NLGN1: variants seen among roughly 807,000 people sequenced by gnomAD.
NLGN1 encodes neuroligin-1.
NLGN1 carries 12 observed loss-of-function variants against 65.5 expected under a neutral mutation model. That is an observed-to-expected ratio of 0.18 (90% CI 0.12 to 0.30). The LOEUF (loss-of-function observed/expected upper bound fraction) is 0.30. NLGN1 is among the 10% of genes least tolerant of loss of function. The pLI is 1.00. For missense variants in NLGN1, 750 were observed against 1,007.1 expected (o/e 0.74, Z 3.46); for synonymous variants, 350 against 359.5 (o/e 0.97, Z 0.30).
intron 4 of NLGN1, among the ~76,000 whole-genome samples, chr3:173,936,175 C>A (rs1579286612): frequency 6.6e-6 from 1 of 151,150 alleles, no homozygotes; most frequent in Middle Eastern, 3.4e-3. Context: ...TGGTTGGTTT[C>A]TGTATTGTGT....
intron 4 of NLGN1, among the ~76,000 whole-genome samples, chr3:174,263,463 T>C (rs938283651): frequency 2.7e-5 from 4 of 150,334 alleles, no homozygotes; most frequent in Admixed American, 2.0e-4. Flanking sequence ...CTTTTGATCT[T>C]TGTTGGTTTA....
chr3:174,173,710 TTGTGTG>T lies in NLGN1; in HGVS notation c.647-101589_647-101584del, dbSNP rs142590328. Among the ~76,000 whole-genome samples, 11 of 149,206 alleles carry T rather than the reference TTGTGTG, an allele frequency of 7.4e-5. No individual in the cohort carries two copies. In the East Asian group the frequency reaches 1.8e-3, roughly 24 times the overall value. On this transcript the variant is annotated intron_variant, in intron 4 of 6. Transcript: ENST00000457714. ...AGATCTTTTGTGTGTGTGTGTATGT[TTGTGTG>T]TGTGTGTGTGTGTGTTTCTCAGTTC...
At chr3:174,138,451 G>C (rs916075819) in intron 4 of NLGN1, among the ~76,000 whole-genome samples, 1 of 38,366 alleles carries the variant, frequency 2.6e-5, no homozygotes, top group East Asian at 7.2e-4. Context: ...TTTTTTTTTT[G>C]TGAGACAGAA....
chr3:174,291,359 G>GA (rs943791737), downstream of NLGN1, among the ~76,000 whole-genome samples: 1 of 150,630 alleles, frequency 6.6e-6, no homozygotes, highest in Non-Finnish European at 1.5e-5. Context: ...CAATACAACA[G>GA]AAAAAAATTT....
At chr3:174,197,801 A>G (rs1733755530) in intron 4 of NLGN1, among the ~76,000 whole-genome samples, 1 of 148,462 alleles carries the variant, frequency 6.7e-6, no homozygotes, top group Admixed American at 6.8e-5. Flanking sequence ...AATCTGTCCT[A>G]AAAACTGCTT....
chr3:174,031,325 C>G (rs1363281220), intron 4 of NLGN1, among the ~76,000 whole-genome samples: 2 of 152,152 alleles, frequency 1.3e-5, no homozygotes, highest in African/African-American at 4.8e-5. Flanking sequence ...GAGGGAGGTT[C>G]TTCACTGAAA....
intron 4 of NLGN1, among the ~76,000 whole-genome samples, chr3:174,052,343 T>G (rs974141049): frequency 6.6e-6 from 1 of 152,026 alleles, no homozygotes; most frequent in African/African-American, 2.4e-5. Context: ...TATTAATTAT[T>G]ATATTTTCCC....
chr3:173,838,255 G>T (rs1253570015), intron 4 of NLGN1, among the ~76,000 whole-genome samples: 1 of 151,234 alleles, frequency 6.6e-6, no homozygotes, highest in Non-Finnish European at 1.5e-5. Context: ...TGTATAAAAA[G>T]AACATTTTAT....
At chr3:173,656,290 G>A (rs898729552) in intron 3 of NLGN1, among the ~76,000 whole-genome samples, 4 of 152,080 alleles carry the variant, frequency 2.6e-5, no homozygotes, top group Non-Finnish European at 5.9e-5. Context: ...AAGACAAAAA[G>A]GAGCACTGAT....
At chr3:173,767,216 G>T (rs1778904304) in intron 3 of NLGN1, among the ~76,000 whole-genome samples, 1 of 152,032 alleles carries the variant, frequency 6.6e-6, no homozygotes, top group Non-Finnish European at 1.5e-5. Context: ...TGTAAAATTG[G>T]TACTGAAAAC....
intron 3 of NLGN1, among the ~76,000 whole-genome samples, chr3:173,745,616 A>G (rs1775246617): frequency 6.6e-6 from 1 of 151,988 alleles, no homozygotes; most frequent in South Asian, 2.1e-4. Flanking sequence ...TTAATTGATG[A>G]TCATCAGCCC....
Position 174,215,467 on chromosome 3 carries a change from C to T in NLGN1, c.647-59848C>T, listed in dbSNP as rs541250681. On this transcript the variant is annotated intron_variant, in intron 4 of 6. Transcript: ENST00000457714. ...TATTATTGAGCTGAGACACTGAATG[C>T]TTCCCTTCATCTGAAACTTTAGGGA... Among the ~76,000 whole-genome samples the T allele has an allele frequency of 3.9e-5, 6 of 152,246 alleles. No individual in the cohort carries two copies. In the South Asian group the frequency reaches 1.0e-3, roughly 26 times the overall value.
At chr3:173,712,970 A>T (rs7616954) in intron 3 of NLGN1, among the ~76,000 whole-genome samples, 66,169 of 151,880 alleles carry the variant, frequency 0.44, 15,939 homozygotes, top group African/African-American at 0.66. Context: ...TAGTAGCAGC[A>T]AGGTCGGAAA....
At chr3:173,952,990 G>A (rs1560713041) in intron 4 of NLGN1, among the ~76,000 whole-genome samples, 1 of 151,998 alleles carries the variant, frequency 6.6e-6, no homozygotes, top group African/African-American at 2.4e-5. Flanking sequence ...TGCTGTCCAG[G>A]CTGGTCTTGA....
chr3:173,528,788 A>G (rs1169764381), intron 2 of NLGN1, among the ~76,000 whole-genome samples: 1 of 151,908 alleles, frequency 6.6e-6, no homozygotes, highest in East Asian at 1.9e-4. Context: ...TCATTTCCAA[A>G]CGTTCTGTTT....
intron 4 of NLGN1, among the ~76,000 whole-genome samples, chr3:173,845,863 T>C (rs1055522562): frequency 6.6e-6 from 1 of 152,166 alleles, no homozygotes; most frequent in Non-Finnish European, 1.5e-5. Flanking sequence ...TGTTTTTTAA[T>C]TAAAATTTTT....
intron 2 of NLGN1, among the ~76,000 whole-genome samples, chr3:173,503,068 A>T (rs1731416430): frequency 6.6e-6 from 1 of 151,792 alleles, no homozygotes; most frequent in Non-Finnish European, 1.5e-5. Context: ...ATATAGATGT[A>T]TGTATATGGC....
intron 2 of NLGN1, among the ~76,000 whole-genome samples, chr3:173,583,730 A>T (rs1178354250): frequency 6.6e-6 from 1 of 152,128 alleles, no homozygotes; most frequent in East Asian, 1.9e-4. Context: ...GAGGTCATTG[A>T]ATTTAAAAGC....
At chr3:174,147,493 G>C (rs994794388) in intron 4 of NLGN1, among the ~76,000 whole-genome samples, 8 of 121,336 alleles carry the variant, frequency 6.6e-5, no homozygotes, top group Non-Finnish European at 1.3e-4. Context: ...GAGTGCAAAA[G>C]AGCGATCTCG....
Sources: allele counts gnomAD v4.1 joint callset (sites outside exome capture counted in the v4.1 genomes callset), GRCh38; gene constraint gnomAD v4.1.1; transcripts MANE v1.5; gene names NCBI Gene and HGNC (gene_info 2026-07-23, HGNC 2026-07-21).